Variants in LRPPRC observed in about 807,000 individuals in gnomAD.
The protein encoded by LRPPRC is leucine-rich PPR motif-containing protein, mitochondrial.
A neutral mutation model predicts 180.3 loss-of-function variants in LRPPRC; 120 were observed. That is an observed-to-expected ratio of 0.67 (90% CI 0.57 to 0.77). The LOEUF is 0.77. LRPPRC is among the 30% of genes least tolerant of loss of function. LRPPRC has a pLI of 0.00. For synonymous variants in LRPPRC, 723 were observed against 600.0 expected, an observed-to-expected ratio of 1.21 and a Z score of -3.00; for missense variants, 2,012 against 1,657.2, an observed-to-expected ratio of 1.21 and a Z score of -3.72.
chr2:43,890,363 C>G (rs1012105977), intron 36 of LRPPRC: 2 of 469,838 alleles, frequency 4.3e-6, no homozygotes, highest in Non-Finnish European at 8.8e-6. Context: ...TTTCATTTTT[C>G]TATTGTAAAA....
chr2:43,941,559 A>C (rs1672481617), intron 23 of LRPPRC, among the ~76,000 whole-genome samples: 1 of 152,144 alleles, frequency 6.6e-6, no homozygotes, highest in Non-Finnish European at 1.5e-5. Context: ...TTGGCAGGCT[A>C]GTGTGGTTAA....
At position 43,892,411 on chromosome 2, in the gene LRPPRC, C is replaced by G. The variant is rs545126765; in HGVS notation, c.3985+2134G>C. Among the ~76,000 whole-genome samples, 3 of 152,272 alleles carry G rather than the reference C, an allele frequency of 2.0e-5. No homozygotes were observed. In the South Asian group the frequency reaches 6.2e-4, roughly 32 times the overall value. ...TAAGAATTACGCTAAATTTATTCTGCCTGTGTTCTATAAATGGAACAACAA... is the reference window on the plus strand; with the variant it reads ...TAAGAATTACGCTAAATTTATTCTGGCTGTGTTCTATAAATGGAACAACAA... On this transcript the variant is annotated intron_variant, in intron 36 of 37. Coordinates refer to ENST00000260665, the MANE Select transcript of LRPPRC (RefSeq NM_133259.4).
intron 8 of LRPPRC, 63 bp downstream of exon 8, chr2:43,974,551 T>C: frequency 8.6e-7 from 1 of 1,166,250 alleles, no homozygotes. Flanking sequence ...GTCCTTTCCA[T>C]CATGTAAGAA....
At position 43,943,900 on chromosome 2, in the gene LRPPRC, A is replaced by G. The variant is rs1212813117; in HGVS notation, c.2297-6T>C. On this transcript the variant is annotated splice_polypyrimidine_tract_variant and splice_region_variant and intron_variant, in intron 22 of 37. Coordinates refer to ENST00000260665, the MANE Select transcript of LRPPRC (RefSeq NM_133259.4). ...CTTCAGAATGTTAATAGCATCTACA[A>G]TGAAGTAACACAAAAGACCCTTAGG... is the stretch of plus-strand genomic sequence containing the variant. 1.9e-6 allele frequency: 3 copies of G among 1,598,500 alleles called. No individual in the cohort carries two copies. Among genetic ancestry groups the G allele is most frequent in the Non-Finnish European group, 2.6e-6 (3 of 1,166,078 alleles).
chr2:43,936,373 AAG>A (rs1269455948), intron 23 of LRPPRC, among the ~76,000 whole-genome samples: 1 of 152,192 alleles, frequency 6.6e-6, no homozygotes, highest in Non-Finnish European at 1.5e-5. Flanking sequence ...GATTTATGAA[AAG>A]AGAGTATGAA....
chr2:43,976,007 A>C, intron 6 of LRPPRC, 136 bp downstream of exon 6: 1 of 624,652 alleles, frequency 1.6e-6, no homozygotes, highest in South Asian at 2.0e-5. Context: ...GGGATAGACA[A>C]ATGTATTTTA....
chr2:43,947,059 G>A lies in LRPPRC; in HGVS notation c.2079+198C>T, dbSNP rs375667144. On this transcript the variant is annotated intron_variant, in intron 20 of 37. Coordinates refer to ENST00000260665, the MANE Select transcript of LRPPRC (RefSeq NM_133259.4). The stretch of plus-strand genomic sequence containing the variant: ...ACTATCATTCACTTTGCAGATTATC[G>A]TAAACAAACTACAGCAACCAGAAAA... Among the ~76,000 whole-genome samples, 403 of 152,106 alleles carry A rather than the reference G, an allele frequency of 2.6e-3. 21 individuals carry two copies. The South Asian group carries it at 0.08, about 30-fold the overall frequency.
chr2:43,991,566 A>C lies in LRPPRC; in HGVS notation c.149+4233T>G, dbSNP rs140917288. On this transcript the variant is annotated intron_variant, in intron 1 of 37. Transcript: ENST00000260665. Reference sequence around the variant, plus strand: ...CTAAAAACCATCACACAAAGAATACACACACAAAGCAGCTCTGATCCAGAA... The same window carrying C: ...CTAAAAACCATCACACAAAGAATACCCACACAAAGCAGCTCTGATCCAGAA... 5.9e-3 allele frequency among the ~76,000 whole-genome samples: 903 copies of C among 152,336 alleles called. 9 individuals carry two copies. The highest frequency in any genetic ancestry group is 0.021 in the African/African-American group (856 of 41,570).
chr2:43,932,661 G>C (rs904616491), intron 25 of LRPPRC, among the ~76,000 whole-genome samples: 1 of 152,110 alleles, frequency 6.6e-6, no homozygotes, highest in African/African-American at 2.4e-5. Context: ...CTACCTTTAA[G>C]GGGCAAAGGG....
Position 43,949,936 on chromosome 2 carries a change from T to C in LRPPRC, c.1678-277A>G, listed in dbSNP as rs116826260. Among the ~76,000 whole-genome samples, 788 of 152,336 alleles carry C rather than the reference T, an allele frequency of 5.2e-3. 5 individuals are homozygous for C. The highest frequency in any genetic ancestry group is 0.018 in the African/African-American group (743 of 41,586). On this transcript the variant is annotated intron_variant, in intron 15 of 37. Transcript: ENST00000260665. ...CTCTAAACTGATTTATAAATTGATA[T>C]ATAAACATCACTCTGAATGAACTGT...
At chr2:43,949,958 C>A (rs1345813493) in intron 15 of LRPPRC, among the ~76,000 whole-genome samples, 1 of 152,144 alleles carries the variant, frequency 6.6e-6, no homozygotes, top group Non-Finnish European at 1.5e-5. Flanking sequence ...TCTGAATGAA[C>A]TGTTATAAAT....
intron 35 of LRPPRC, 47 bp from the exon 36 acceptor site, chr2:43,894,676 G>A: frequency 2.2e-6 from 2 of 905,550 alleles, no homozygotes; most frequent in South Asian, 1.3e-5. Flanking sequence ...CAAATTAACA[G>A]TGAATTAGAA....
At chr2:43,904,691 T>TC (rs1671003460) in intron 31 of LRPPRC, 1 of 86,874 alleles carries the variant, frequency 1.2e-5, no homozygotes, top group Non-Finnish European at 2.0e-5. Flanking sequence ...AGACCCTATC[T>TC]CAAAAAAAAC....
At chr2:43,949,253 C>T (rs909751879) in intron 16 of LRPPRC, among the ~76,000 whole-genome samples, 1 of 152,090 alleles carries the variant, frequency 6.6e-6, no homozygotes, top group African/African-American at 2.4e-5. Context: ...TCCACAAGAA[C>T]CTTCGCTACA....
chr2:43,919,743 CAT>C (rs1265622898), intron 27 of LRPPRC, among the ~76,000 whole-genome samples: 1 of 151,966 alleles, frequency 6.6e-6, no homozygotes, highest in African/African-American at 2.4e-5. Context: ...AAAAATGTCA[CAT>C]GACACTAAGT....
chr2:43,994,693 T>C (rs1674941963), intron 1 of LRPPRC, among the ~76,000 whole-genome samples: 1 of 152,148 alleles, frequency 6.6e-6, no homozygotes, highest in Admixed American at 6.5e-5. Context: ...TCTTTCAAAA[T>C]CATTTTTTCT....
At chr2:43,941,163 A>T (rs1672467487) in intron 23 of LRPPRC, among the ~76,000 whole-genome samples, 1 of 152,196 alleles carries the variant, frequency 6.6e-6, no homozygotes, top group African/African-American at 2.4e-5. Context: ...AAGCTTTTTT[A>T]CATTGTCTAA....
At chr2:43,987,036 T>C (rs915226105) in intron 1 of LRPPRC, among the ~76,000 whole-genome samples, 1 of 152,234 alleles carries the variant, frequency 6.6e-6, no homozygotes, top group African/African-American at 2.4e-5. Context: ...TTCTTTAGCC[T>C]GTTGATACGC....
intron 18 of LRPPRC, 151 bp from the exon 19 acceptor site, chr2:43,947,926 A>G (rs146319065): frequency 6.1e-6 from 4 of 657,270 alleles, no homozygotes; most frequent in African/African-American, 5.5e-5. Flanking sequence ...TTATTAATCA[A>G]TGTAATTAAC....
Sources: allele counts gnomAD v4.1 joint callset (sites outside exome capture counted in the v4.1 genomes callset), GRCh38; gene constraint gnomAD v4.1.1; transcripts MANE v1.5; gene names NCBI Gene and HGNC (gene_info 2026-07-23, HGNC 2026-07-21).